LRPPRC: variants seen among roughly 807,000 people sequenced by gnomAD.
The protein encoded by LRPPRC is leucine-rich PPR motif-containing protein, mitochondrial.
Under a neutral mutation model 180.3 loss-of-function variants are expected in LRPPRC, and 120 were observed. The observed-to-expected ratio is 0.67, with a 90% CI of 0.57 to 0.77. LRPPRC has a LOEUF of 0.77. Ranked by LOEUF, LRPPRC falls within the 30% of genes least tolerant of loss-of-function variation. LRPPRC has a pLI of 0.00. For missense variants in LRPPRC, 2,012 were observed against 1,657.2 expected, an observed-to-expected ratio of 1.21 and a Z score of -3.72; for synonymous variants, 723 against 600.0, an observed-to-expected ratio of 1.21 and a Z score of -3.00.
intron 29 of LRPPRC, among the ~76,000 whole-genome samples, chr2:43,916,762 C>T (rs566390478): frequency 2.6e-4 from 40 of 151,566 alleles, no homozygotes; most frequent in African/African-American, 6.8e-4. Flanking sequence ...AAGACCAGCC[C>T]GGGCAACATA....
chr2:43,973,952 T>C, intron 9 of LRPPRC, 52 bp from the exon 10 acceptor site: 1 of 1,194,990 alleles, frequency 8.4e-7, no homozygotes, highest in South Asian at 1.2e-5. Context: ...CCCCACCGTT[T>C]GACCTGCTGC....
At chr2:43,931,865 T>TA in intron 25 of LRPPRC, among the ~76,000 whole-genome samples, 1 of 152,058 alleles carries the variant, frequency 6.6e-6, no homozygotes, top group Non-Finnish European at 1.5e-5. Context: ...TTTGCATGGC[T>TA]TCCCAGTTGG....
At position 43,979,806 on chromosome 2, in the gene LRPPRC, A is replaced by G. The variant is rs1182195253; in HGVS notation, c.469+20T>C. 6.2e-7 allele frequency: 1 copy of G among 1,610,166 alleles called. No homozygotes were observed. The highest frequency in any genetic ancestry group is 8.5e-7 in the Non-Finnish European group (1 of 1,176,594). On this transcript the variant is annotated intron_variant, in intron 3 of 37. Coordinates refer to ENST00000260665, the MANE Select transcript of LRPPRC (RefSeq NM_133259.4). Reference sequence around the variant, plus strand: ...AACATCTACACCTTTTATACACATCATATATTTAAACAATCATACCTAATT... The same window carrying G: ...AACATCTACACCTTTTATACACATCGTATATTTAAACAATCATACCTAATT...
intron 5 of LRPPRC, 23 bp downstream of exon 5, chr2:43,976,971 A>ACACAT (rs1382148938): frequency 9.4e-6 from 15 of 1,602,092 alleles, no homozygotes; most frequent in Non-Finnish European, 1.3e-5. Flanking sequence ...TGTTCGCTTA[A>ACACAT]ACATGTTCAT....
intron 1 of LRPPRC, among the ~76,000 whole-genome samples, chr2:43,995,117 T>G (rs1428921284): frequency 2.0e-5 from 3 of 152,118 alleles, no homozygotes; most frequent in African/African-American, 7.2e-5. Flanking sequence ...GGCGCACACC[T>G]GTAATCCCAG....
intron 14 of LRPPRC, among the ~76,000 whole-genome samples, chr2:43,955,413 G>C (rs1436441157): frequency 1.3e-5 from 2 of 149,230 alleles, no homozygotes; most frequent in Non-Finnish European, 3.0e-5. Flanking sequence ...AGGCTGCAAT[G>C]AGCCATGTTC....
chr2:43,938,197 A>AG (rs1672341714), intron 23 of LRPPRC, among the ~76,000 whole-genome samples: 1 of 151,884 alleles, frequency 6.6e-6, no homozygotes. Flanking sequence ...AAAAAAAAAA[A>AG]TCAAGACACC....
At chr2:43,930,583 G>A (rs1672053120) in intron 25 of LRPPRC, among the ~76,000 whole-genome samples, 1 of 152,000 alleles carries the variant, frequency 6.6e-6, no homozygotes, top group South Asian at 2.1e-4. Flanking sequence ...GTTCATTTGC[G>A]CCCTTTCTCC....
intron 8 of LRPPRC, among the ~76,000 whole-genome samples, 159 bp from the exon 9 acceptor site, chr2:43,974,454 T>A (rs892402646): frequency 6.6e-6 from 1 of 152,236 alleles, no homozygotes; most frequent in Non-Finnish European, 1.5e-5. Context: ...ATCATCCCCA[T>A]GTGTTCATTA....
At chr2:43,912,635 A>C in intron 29 of LRPPRC, 77 bp from the exon 30 acceptor site, 1 of 1,301,074 alleles carries the variant, frequency 7.7e-7, no homozygotes. Flanking sequence ...ATCCTGAAAC[A>C]AAGACCTAAA....
At position 43,908,106 on chromosome 2, in the gene LRPPRC, C is replaced by T. The variant is rs532960784; in HGVS notation, c.3276-2326G>A. Reference sequence around the variant, plus strand: ...TCAGTGACAGATATAGCATTATTTCCGAACAGAATGATACAGGAAGCCAAG... The same window carrying T: ...TCAGTGACAGATATAGCATTATTTCTGAACAGAATGATACAGGAAGCCAAG... On this transcript the variant is annotated intron_variant, in intron 30 of 37. Coordinates refer to ENST00000260665, the MANE Select transcript of LRPPRC (RefSeq NM_133259.4). Among the ~76,000 whole-genome samples the T allele has an allele frequency of 1.2e-4, 18 of 152,134 alleles. No individual in the cohort carries two copies. The South Asian group carries it at 2.9e-3, about 25-fold the overall frequency.
intron 27 of LRPPRC, among the ~76,000 whole-genome samples, chr2:43,921,532 T>C (rs1001664236): frequency 6.6e-6 from 1 of 151,962 alleles, no homozygotes; most frequent in Non-Finnish European, 1.5e-5. Context: ...CAAAACAGGA[T>C]ATAAAAGAAT....
chr2:43,963,445 AAAAAAAAG>A (rs1449335378), intron 12 of LRPPRC, 135 bp downstream of exon 12: 6 of 678,252 alleles, frequency 8.8e-6, no homozygotes, highest in South Asian at 4.9e-5. Context: ...ACTCCATCTC[AAAAAAAAG>A]AAAAAAAGAA....
intron 30 of LRPPRC, among the ~76,000 whole-genome samples, chr2:43,908,040 TTATTTAGGA>T (rs1671123068): frequency 6.6e-6 from 1 of 152,168 alleles, no homozygotes; most frequent in South Asian, 2.1e-4. Flanking sequence ...GGTGATTATA[TTATTTAGGA>T]TAACAAAAAC....
In LRPPRC at chr2:43,957,551, T is replaced by A. The variant is rs56324697; in HGVS notation, c.1583-100A>T. The A allele has an allele frequency of 1.6e-3, 1,374 of 851,412 alleles. 3 individuals carry two copies. Among genetic ancestry groups the A allele is most frequent in the Non-Finnish European group, 2.4e-3 (1,233 of 512,418 alleles). The allele number at this position is 851,412 out of a possible 1,614,324, so 52.7% of individuals were successfully genotyped here. A position where few individuals can be genotyped will look rare whatever the true frequency, so the allele number is the denominator to read the frequency against. Reference sequence around the variant, plus strand: ...ATATTTATACCAATACCTTTTAGTTTTCATTTTGGAAATTGTATTTAAAAA... The same window carrying A: ...ATATTTATACCAATACCTTTTAGTTATCATTTTGGAAATTGTATTTAAAAA... On this transcript the variant is annotated intron_variant, in intron 13 of 37. Transcript: ENST00000260665.
At chr2:43,969,549 A>AT (rs1009383532) in intron 11 of LRPPRC, among the ~76,000 whole-genome samples, 11 of 152,114 alleles carry the variant, frequency 7.2e-5, no homozygotes, top group Non-Finnish European at 1.6e-4. Context: ...AAAAAGGATG[A>AT]TTTTCAGTGG....
At chr2:43,952,177 G>C (rs1672933723) in intron 14 of LRPPRC, among the ~76,000 whole-genome samples, 1 of 151,516 alleles carries the variant, frequency 6.6e-6, no homozygotes, top group African/African-American at 2.4e-5. Context: ...TGGGCAACAA[G>C]AGCGAAATTC....
intron 25 of LRPPRC, 90 bp downstream of exon 25, chr2:43,934,100 C>G (rs1020267468): frequency 2.7e-6 from 2 of 749,324 alleles, no homozygotes; most frequent in Non-Finnish European, 4.8e-6. Context: ...TGAATCAGAA[C>G]AAGTGTAATT....
chr2:43,915,228 TCTCTCACACACACA>T (rs1467214625), intron 29 of LRPPRC, among the ~76,000 whole-genome samples: 557 of 63,202 alleles, frequency 8.8e-3, no homozygotes, highest in African/African-American at 0.023. Flanking sequence ...TCTCTCTCTC[TCTCTCACACACACA>T]CACACACACA....
Sources: allele counts gnomAD v4.1 joint callset (sites outside exome capture counted in the v4.1 genomes callset), GRCh38; gene constraint gnomAD v4.1.1; transcripts MANE v1.5; gene names NCBI Gene and HGNC (gene_info 2026-07-23, HGNC 2026-07-21).